LRRTM4: variants seen among roughly 807,000 people sequenced by gnomAD.
LRRTM4 encodes the protein leucine rich repeat transmembrane neuronal 4, also known as leucine-rich repeat transmembrane neuronal protein 4.
LRRTM4 carries 25 observed loss-of-function variants against 47.6 expected under a neutral mutation model. The observed-to-expected ratio is 0.53, with a 90% CI of 0.38 to 0.73. The LOEUF (loss-of-function observed/expected upper bound fraction) is 0.73, where lower values mean the gene tolerates loss of function less well. Among genes scored for constraint, LRRTM4 ranks in the 30% least tolerant of loss-of-function variants. The pLI is 0.00. For synonymous variants in LRRTM4, 311 were observed against 269.5 expected, an observed-to-expected ratio of 1.15 and a Z score of -1.51; for missense variants, 638 against 713.4, an observed-to-expected ratio of 0.89 and a Z score of 1.20.
At chr2:77,489,844 G>A (rs1172781198) in intron 3 of LRRTM4, among the ~76,000 whole-genome samples, 2 of 152,186 alleles carry the variant, frequency 1.3e-5, no homozygotes, top group African/African-American at 2.4e-5. Flanking sequence ...AGAACTTTGT[G>A]TCTAAAAGTA....
intron 3 of LRRTM4, among the ~76,000 whole-genome samples, chr2:77,473,944 A>G (rs2103998179): frequency 6.6e-6 from 1 of 152,242 alleles, no homozygotes; most frequent in East Asian, 1.9e-4. Flanking sequence ...CTGGCAATTT[A>G]GCACGTGTTC....
At chr2:77,427,670 T>C (rs1573399538) in intron 3 of LRRTM4, among the ~76,000 whole-genome samples, 1 of 152,322 alleles carries the variant, frequency 6.6e-6, no homozygotes, top group East Asian at 1.9e-4. Context: ...AATATATGAT[T>C]TGGCCATCAG....
intron 3 of LRRTM4, among the ~76,000 whole-genome samples, chr2:77,204,976 G>C (rs1330854974): frequency 1.3e-5 from 2 of 152,176 alleles, no homozygotes; most frequent in Non-Finnish European, 2.9e-5. Context: ...ATTACCAAGT[G>C]AAAGTATAAG....
intron 3 of LRRTM4, among the ~76,000 whole-genome samples, chr2:77,289,157 A>G (rs937660263): frequency 2.5e-4 from 38 of 152,046 alleles, no homozygotes; most frequent in African/African-American, 8.4e-4. Flanking sequence ...TCAATATGTG[A>G]AAGGAGTTTA....
At chr2:76,989,173 G>T (rs1471456750) in intron 3 of LRRTM4, among the ~76,000 whole-genome samples, 1 of 151,462 alleles carries the variant, frequency 6.6e-6, no homozygotes, top group Non-Finnish European at 1.5e-5. Flanking sequence ...TCAATTGTTG[G>T]TCTTGATCAT....
At chr2:77,300,370 C>T (rs1677102680) in intron 3 of LRRTM4, among the ~76,000 whole-genome samples, 1 of 152,150 alleles carries the variant, frequency 6.6e-6, no homozygotes, top group East Asian at 1.9e-4. Context: ...TGGTCAGAGT[C>T]CTCAAAGAAG....
chr2:77,367,899 A>G (rs1323393923), intron 3 of LRRTM4, among the ~76,000 whole-genome samples: 1 of 151,894 alleles, frequency 6.6e-6, no homozygotes, highest in African/African-American at 2.4e-5. Flanking sequence ...TACTAGTCAC[A>G]TATGGCTACT....
intron 3 of LRRTM4, among the ~76,000 whole-genome samples, chr2:76,798,385 A>C (rs1366277145): frequency 4.6e-5 from 7 of 151,902 alleles, no homozygotes; most frequent in Admixed American, 2.6e-4. Context: ...ACAAATAAGG[A>C]TGTTCTTTGA....
chr2:77,073,405 TTATTATC>T (rs1680226942), intron 3 of LRRTM4, among the ~76,000 whole-genome samples: 1 of 151,094 alleles, frequency 6.6e-6, no homozygotes, highest in African/African-American at 2.5e-5. Context: ...ACATTAATTA[TTATTATC>T]TATTATACAT....
chr2:77,160,042 G>A (rs962983391), intron 3 of LRRTM4, among the ~76,000 whole-genome samples: 1 of 152,160 alleles, frequency 6.6e-6, no homozygotes, highest in African/African-American at 2.4e-5. Context: ...AATCACTCTG[G>A]TGTGGTGTCT....
chr2:77,007,262 C>G (rs779920402), intron 3 of LRRTM4, among the ~76,000 whole-genome samples: 1 of 151,898 alleles, frequency 6.6e-6, no homozygotes, highest in South Asian at 2.1e-4. Flanking sequence ...GACTAAGAAG[C>G]ACAGAGGATT....
At chr2:77,408,800 C>T (rs898128347) in intron 3 of LRRTM4, among the ~76,000 whole-genome samples, 2 of 152,126 alleles carry the variant, frequency 1.3e-5, no homozygotes, top group Non-Finnish European at 2.9e-5. Context: ...TGTATTCAAT[C>T]CCCCGGTGTC....
At chr2:76,823,349 A>G (rs1227270675) in intron 3 of LRRTM4, among the ~76,000 whole-genome samples, 2 of 151,472 alleles carry the variant, frequency 1.3e-5, no homozygotes, top group Non-Finnish European at 3.0e-5. Context: ...TGAATACATA[A>G]TCATGTAGAA....
chr2:77,405,848 G>A lies in LRRTM4; in HGVS notation c.1551+112470C>T, dbSNP rs114492837. Among the ~76,000 whole-genome samples the A allele has an allele frequency of 3.6e-3, 553 of 152,182 alleles. 2 individuals carry two copies. Among genetic ancestry groups the A allele is most frequent in the African/African-American group, 0.013 (529 of 41,524 alleles). ...GTGTCCTTATACTCTTCTCATTCAA[G>A]TAAGGTGTTTCTCTGTTGGTTTTCA... On this transcript the variant is annotated intron_variant, in intron 3 of 3. Coordinates refer to ENST00000409884, the MANE Select transcript of LRRTM4 (RefSeq NM_001134745.3).
chr2:77,081,580 T>G (rs1055924760), intron 3 of LRRTM4, among the ~76,000 whole-genome samples: 1 of 152,080 alleles, frequency 6.6e-6, no homozygotes, highest in Non-Finnish European at 1.5e-5. Flanking sequence ...TTTCATCACT[T>G]TCACAAATTT....
intron 3 of LRRTM4, among the ~76,000 whole-genome samples, chr2:77,488,970 G>A (rs1369776270): frequency 6.8e-6 from 1 of 148,030 alleles, no homozygotes; most frequent in East Asian, 2.0e-4. Flanking sequence ...TGCACATAGT[G>A]CACATGTACC....
intron 3 of LRRTM4, among the ~76,000 whole-genome samples, chr2:77,117,410 T>A (rs1671416400): frequency 6.6e-6 from 1 of 151,948 alleles, no homozygotes. Flanking sequence ...CCTCTATTTT[T>A]ACTTATAAAA....
chr2:77,518,793 A>G lies in LRRTM4; in HGVS notation c.1076T>C (p.Ile359Thr). 3 of 1,612,662 alleles carry G rather than the reference A, an allele frequency of 1.9e-6. No homozygotes were observed. The highest frequency in any genetic ancestry group is 2.2e-5 in the East Asian group (1 of 44,758). ...KVSDAVETYN[I>T]CSEVQVVNTE... ...GTTGACCACCTGGACTTCAGAACAG[A>G]TATTATATGTTTCCACTGCATCACT... is the stretch of plus-strand genomic sequence containing the variant. Residue 359 changes from isoleucine (I) to threonine (T), a missense_variant, in exon 3 of 4, where the codon ATC becomes ACC. Physicochemically the swap from Ile to Thr is moderately conservative, Grantham distance 89. Coordinates refer to ENST00000409884, the MANE Select transcript of LRRTM4 (RefSeq NM_001134745.3).
At chr2:76,798,457 AG>A (rs1217266858) in intron 3 of LRRTM4, among the ~76,000 whole-genome samples, 1 of 150,970 alleles carries the variant, frequency 6.6e-6, no homozygotes, top group Non-Finnish European at 1.5e-5. Context: ...AGCAGTGTGT[AG>A]AGGGAAATTT....
Sources: gnomAD v4.1 joint callset for allele counts (sites outside exome capture counted in the v4.1 genomes callset) on GRCh38, gnomAD v4.1.1 for gene constraint, MANE v1.5 for transcripts, NCBI Gene and HGNC (gene_info 2026-07-23, HGNC 2026-07-21) for gene names.